The following CCDC7 variants were observed in gnomAD, a reference collection of about 807,000 sequenced individuals.
CCDC7 encodes the protein coiled-coil domain containing 7.
In CCDC7, 183 loss-of-function variants were observed where a neutral mutation model predicts 196.9. The ratio of observed to expected loss-of-function variants is 0.93; its 90% confidence interval spans 0.82 to 1.05. CCDC7 has a LOEUF of 1.05. Ranked by LOEUF, CCDC7 falls within the 50% of genes least tolerant of loss-of-function variation. The pLI is 0.00. For missense variants in CCDC7, 1,540 were observed against 1,482.2 expected (o/e 1.04, Z -0.64); for synonymous variants, 525 against 484.6 (o/e 1.08, Z -1.10).
rs151121071 is a variant in CCDC7, at chr10:32,505,168, TTTTA to T, written c.873-12753_873-12750del. On this transcript the variant is annotated intron_variant, in intron 9 of 41. Transcript: ENST00000639629. ...ATAATTTTTTTTATGCCCAGCTAAT[TTTTA>T]TTTATTTATTTATTTATTTATTTTT... Among the ~76,000 whole-genome samples, 10 of 150,960 alleles carry T rather than the reference TTTTA, an allele frequency of 6.6e-5. No homozygotes were observed. In the South Asian group the frequency reaches 1.1e-3, roughly 16 times the overall value.
intron 18 of CCDC7, among the ~76,000 whole-genome samples, chr10:32,612,841 A>G (rs2062326400): frequency 1.3e-5 from 2 of 148,950 alleles, no homozygotes; most frequent in South Asian, 4.2e-4. Flanking sequence ...GAATTTTTGC[A>G]TCGATGTTCA....
chr10:32,564,567 C>T (rs1056093529), intron 13 of CCDC7, among the ~76,000 whole-genome samples: 28 of 151,306 alleles, frequency 1.9e-4, no homozygotes, highest in African/African-American at 5.3e-4. Flanking sequence ...AACCAAACAC[C>T]GCATATTCTC....
At chr10:32,736,373 T>C (rs141467736) in intron 28 of CCDC7, among the ~76,000 whole-genome samples, 5 of 152,282 alleles carry the variant, frequency 3.3e-5, no homozygotes, top group African/African-American at 1.2e-4. Flanking sequence ...CCTTTTTTTG[T>C]GGTTAATATT....
chr10:32,754,976 C>CAT (rs2076190762), intron 28 of CCDC7, among the ~76,000 whole-genome samples: 1 of 152,024 alleles, frequency 6.6e-6, no homozygotes, highest in South Asian at 2.1e-4. Flanking sequence ...TTATATCCCG[C>CAT]GCTGGCTTGG....
intron 13 of CCDC7, among the ~76,000 whole-genome samples, chr10:32,559,261 A>C (rs1003689024): frequency 6.6e-6 from 1 of 152,238 alleles, no homozygotes; most frequent in Non-Finnish European, 1.5e-5. Context: ...ACAAACAAAA[A>C]GACAGCAGTA....
chr10:32,483,845 A>T (rs1372104226), intron 8 of CCDC7, among the ~76,000 whole-genome samples: 1 of 151,762 alleles, frequency 6.6e-6, no homozygotes, highest in Non-Finnish European at 1.5e-5. Context: ...ATTCTGTTCC[A>T]TTGGTCTATA....
At chr10:32,763,856 CA>C (rs2077842741) in intron 28 of CCDC7, among the ~76,000 whole-genome samples, 1 of 151,662 alleles carries the variant, frequency 6.6e-6, no homozygotes, top group African/African-American at 2.4e-5. Flanking sequence ...CAAAAGGGCA[CA>C]AAATTTCAGT....
chr10:32,761,614 T>C (rs969686304), intron 28 of CCDC7, among the ~76,000 whole-genome samples: 7 of 152,000 alleles, frequency 4.6e-5, no homozygotes, highest in Non-Finnish European at 1.0e-4. Flanking sequence ...GAAACCCTGG[T>C]CTGCTATAGC....
intron 18 of CCDC7, among the ~76,000 whole-genome samples, chr10:32,586,677 A>G (rs533050592): frequency 6.6e-6 from 1 of 152,188 alleles, no homozygotes; most frequent in South Asian, 2.1e-4. Context: ...CAAAGTTCAG[A>G]TGGTTGTAGA....
intron 28 of CCDC7, among the ~76,000 whole-genome samples, chr10:32,778,182 AG>A (rs2080425424): frequency 6.6e-6 from 1 of 152,074 alleles, no homozygotes; most frequent in Non-Finnish European, 1.5e-5. Flanking sequence ...AAATATTTTT[AG>A]TTTAACTAGA....
At position 32,498,520 on chromosome 10, in the gene CCDC7, C is replaced by T. The variant is rs531970623; in HGVS notation, c.872+6523C>T. 3.9e-3 allele frequency among the ~76,000 whole-genome samples: 592 copies of T among 152,126 alleles called. 4 individuals carry two copies. Among genetic ancestry groups the T allele is most frequent in the African/African-American group, 0.013 (558 of 41,498 alleles). ...GGTATGTTTTTGCAGTGGCTGGTAC[C>T]GGTTATTCCTTTCCATGTTTAGTGT... On this transcript the variant is annotated intron_variant, in intron 9 of 41. Transcript: ENST00000639629.
At chr10:32,486,377 G>C (rs2134293341) in intron 8 of CCDC7, among the ~76,000 whole-genome samples, 1 of 151,126 alleles carries the variant, frequency 6.6e-6, no homozygotes, top group African/African-American at 2.4e-5. Flanking sequence ...CCTTTATTTT[G>C]AGCCTGTGTG....
chr10:32,677,157 T>C (rs1423236751), intron 21 of CCDC7, among the ~76,000 whole-genome samples: 2 of 133,276 alleles, frequency 1.5e-5, no homozygotes, highest in East Asian at 4.4e-4. Flanking sequence ...TAGGTGGGAA[T>C]TGAACAATGA....
chr10:32,729,107 C>A (rs1311516461), intron 27 of CCDC7, 110 bp downstream of exon 28: 5 of 895,986 alleles, frequency 5.6e-6, no homozygotes, highest in African/African-American at 5.1e-5. Context: ...CAACTTTTAA[C>A]TTTGACCTAA....
downstream of CCDC7, among the ~76,000 whole-genome samples, chr10:32,877,679 C>T (rs970296181): frequency 6.6e-6 from 1 of 152,120 alleles, no homozygotes; most frequent in Non-Finnish European, 1.5e-5. Context: ...TTTATTTTCA[C>T]TGAAGCTCTG....
intron 8 of CCDC7, among the ~76,000 whole-genome samples, chr10:32,483,233 A>G (rs571100607): frequency 1.1e-3 from 173 of 152,266 alleles, no homozygotes; most frequent in African/African-American, 3.5e-3. Flanking sequence ...TTTGATTTGC[A>G]TTTCTCTGAT....
intron 21 of CCDC7, among the ~76,000 whole-genome samples, chr10:32,684,442 C>T (rs2076232857): frequency 6.6e-6 from 1 of 152,042 alleles, no homozygotes; most frequent in South Asian, 2.1e-4. Context: ...TATGTGTCCC[C>T]AGGGGCTCTC....
chr10:32,645,411 A>G (rs1388801985), intron 20 of CCDC7, among the ~76,000 whole-genome samples: 1 of 151,614 alleles, frequency 6.6e-6, no homozygotes, highest in African/African-American at 2.4e-5. Flanking sequence ...ATGTGTTGTT[A>G]AATTTGGTTT....
chr10:32,471,092 C>A, exon 6 of CCDC7: 2 of 1,607,930 alleles, frequency 1.2e-6, no homozygotes, highest in Non-Finnish European at 1.7e-6. Flanking sequence ...CTTTTACAAG[C>A]AGAGCCTCCA....
Sources: allele counts gnomAD v4.1 joint callset (sites outside exome capture counted in the v4.1 genomes callset), GRCh38; gene constraint gnomAD v4.1.1; transcripts MANE v1.5; gene names NCBI Gene and HGNC (gene_info 2026-07-23, HGNC 2026-07-21).